Variants in RPS6KA5 observed in about 807,000 individuals in gnomAD.
RPS6KA5 encodes the protein ribosomal protein S6 kinase A5.
Under a neutral mutation model 85.5 loss-of-function variants are expected in RPS6KA5, and 27 were observed. The observed-to-expected ratio is 0.32, with a 90% CI of 0.23 to 0.44. The LOEUF (loss-of-function observed/expected upper bound fraction) is 0.44. Ranked by LOEUF, RPS6KA5 falls within the 20% of genes least tolerant of loss-of-function variation. The pLI is 1.00. For missense variants in RPS6KA5, 811 were observed against 980.9 expected, an observed-to-expected ratio of 0.83 and a Z score of 2.31; for synonymous variants, 334 against 348.2, an observed-to-expected ratio of 0.96 and a Z score of 0.46.
chr14:91,011,804 T>C (rs1462282620), intron 1 of RPS6KA5, among the ~76,000 whole-genome samples: 1 of 152,204 alleles, frequency 6.6e-6, no homozygotes, highest in Non-Finnish European at 1.5e-5. Flanking sequence ...TTTGCCACTA[T>C]CAAGGCACAT....
chr14:90,965,053 C>A (rs1187554160), intron 3 of RPS6KA5, among the ~76,000 whole-genome samples: 1 of 152,050 alleles, frequency 6.6e-6, no homozygotes, highest in Non-Finnish European at 1.5e-5. Context: ...CAAAAAAAGG[C>A]TGAAGCCATT....
chr14:90,933,678 C>A (rs953180703), intron 5 of RPS6KA5, among the ~76,000 whole-genome samples: 3 of 152,180 alleles, frequency 2.0e-5, no homozygotes, highest in African/African-American at 7.2e-5. Context: ...CTCTTCTACT[C>A]AAAACTCCCC....
In RPS6KA5 at chr14:91,001,202, A is replaced by G. The variant is rs1361238793; in HGVS notation, c.104-43T>C. ...GAAAAAAAAAACAAGAGGGTCAGCA[A>G]TAGAAGGAGGCTCCTGGGGGATTCT... is the stretch of plus-strand genomic sequence containing the variant. On this transcript the variant is annotated intron_variant, in intron 1 of 16. Coordinates refer to ENST00000614987, the MANE Select transcript of RPS6KA5 (RefSeq NM_004755.4). 7 of 1,284,220 alleles carry G rather than the reference A, an allele frequency of 5.5e-6. No individual in the cohort carries two copies. The South Asian group carries it at 8.9e-5, about 16-fold the overall frequency. The allele number at this position is 1,284,220 out of a possible 1,614,324, so 79.6% of individuals were successfully genotyped here. A position where few individuals can be genotyped will look rare whatever the true frequency, so the allele number is the denominator to read the frequency against.
chr14:91,003,838 C>G (rs748297945), intron 1 of RPS6KA5, among the ~76,000 whole-genome samples: 2 of 152,178 alleles, frequency 1.3e-5, no homozygotes, highest in Admixed American at 1.3e-4. Flanking sequence ...AAAAACCACT[C>G]TCTTCCACCT....
rs527567150 is a variant in RPS6KA5 at position 91,015,561 on chromosome 14, C to A, written c.104-14402G>T. ...TAAGAAAATATAGCAGCACTTTGTT[C>A]CTCCTAAGTCATAACCTCATTTTTC... On this transcript the variant is annotated intron_variant, in intron 1 of 16. Transcript: ENST00000614987. Among the ~76,000 whole-genome samples the A allele has an allele frequency of 1.4e-4, 21 of 152,234 alleles. No individual in the cohort carries two copies. The South Asian group carries it at 3.5e-3, about 26-fold the overall frequency.
chr14:90,960,955 C>A (rs1342547398), intron 3 of RPS6KA5, among the ~76,000 whole-genome samples: 1 of 152,164 alleles, frequency 6.6e-6, no homozygotes, highest in Non-Finnish European at 1.5e-5. Flanking sequence ...TGGTACTGTT[C>A]GTATACACTC....
intron 7 of RPS6KA5, among the ~76,000 whole-genome samples, chr14:90,919,830 T>C (rs1474379312): frequency 6.6e-6 from 1 of 152,220 alleles, no homozygotes; most frequent in East Asian, 1.9e-4. Context: ...ATATCATTAC[T>C]GTTTCTTCAT....
At position 90,860,457 on chromosome 14, in the gene RPS6KA5, C is replaced by G. The variant is rs1169647921; in HGVS notation, c.*11617G>C. 1 of 152,180 alleles carries G rather than the reference C, an allele frequency of 6.6e-6. No individual in the cohort carries two copies. Among genetic ancestry groups the G allele is most frequent in the East Asian group, 1.9e-4 (1 of 5,198 alleles). 9.4% of individuals were successfully genotyped at this position (152,180 alleles called of 1,614,324 possible). ...GCTGAGACACAAGAATCACTTGAAC[C>G]TAGGAGGTGGAGGTTGCAGTGAGCC... is the stretch of plus-strand genomic sequence containing the variant. On this transcript the variant is annotated 3_prime_UTR_variant, in exon 17 of 17. Transcript: ENST00000614987.
chr14:90,899,981 C>T, intron 11 of RPS6KA5, 127 bp downstream of exon 11: 1 of 654,018 alleles, frequency 1.5e-6, no homozygotes, highest in Non-Finnish European at 2.3e-6. Flanking sequence ...ACTGATGAGC[C>T]AAGTGGTTAA....
At chr14:90,887,233 G>A (rs2034282427) in intron 14 of RPS6KA5, among the ~76,000 whole-genome samples, 1 of 152,206 alleles carries the variant, frequency 6.6e-6, no homozygotes, top group Non-Finnish European at 1.5e-5. Context: ...CCACTGTGGA[G>A]TGTGGTAGTG....
chr14:90,974,037 C>CAAAAAA lies in RPS6KA5; in HGVS notation c.394+4263_394+4268dup, dbSNP rs56212923. On this transcript the variant is annotated intron_variant, in intron 3 of 16. Transcript: ENST00000614987. ...AAGGTGACAGAGTGAGACTCCATCT[C>CAAAAAA]AAAAAAAAAAAAAAAAAAAAAATAG... Among the ~76,000 whole-genome samples, 548 of 61,426 alleles carry CAAAAAA rather than the reference C, an allele frequency of 8.9e-3. 89 individuals are homozygous for CAAAAAA. The highest frequency in any genetic ancestry group is 0.019 in the East Asian group (29 of 1,556). 40.3% of individuals were successfully genotyped at this position (61,426 alleles called of 152,430 possible).
Position 90,894,598 on chromosome 14 carries a change from G to C in RPS6KA5, c.1474-15C>G. On this transcript the variant is annotated splice_polypyrimidine_tract_variant and intron_variant, in intron 12 of 16. Coordinates refer to ENST00000614987, the MANE Select transcript of RPS6KA5 (RefSeq NM_004755.4). The stretch of plus-strand genomic sequence containing the variant: ...AACGTGTGAAGCTAGAAAAGAGAAA[G>C]AATAACGTGGAGGGCCTTCCTGAAG... 6.2e-7 allele frequency: 1 copy of C among 1,611,192 alleles called. No homozygotes were observed. Among genetic ancestry groups the C allele is most frequent in the Non-Finnish European group, 8.5e-7 (1 of 1,178,126 alleles).
chr14:91,028,341 C>A (rs1643951986), intron 1 of RPS6KA5, among the ~76,000 whole-genome samples: 1 of 152,016 alleles, frequency 6.6e-6, no homozygotes, highest in Non-Finnish European at 1.5e-5. Flanking sequence ...CCTCAGCCTG[C>A]AGAGTAGCTG....
intron 7 of RPS6KA5, among the ~76,000 whole-genome samples, chr14:90,907,106 T>C (rs1453395317): frequency 2.0e-5 from 3 of 152,186 alleles, no homozygotes; most frequent in Non-Finnish European, 4.4e-5. Flanking sequence ...ATCAATAATT[T>C]AGTAAGAAAT....
chr14:90,978,268 G>A (rs1222431077), intron 3 of RPS6KA5, 38 bp downstream of exon 3: 4 of 1,467,184 alleles, frequency 2.7e-6, no homozygotes, highest in Admixed American at 4.1e-5. Context: ...CCAAAGAAAA[G>A]TGTTTTCATA....
At chr14:90,984,518 T>C (rs2039975355) in intron 2 of RPS6KA5, among the ~76,000 whole-genome samples, 1 of 152,224 alleles carries the variant, frequency 6.6e-6, no homozygotes, top group Admixed American at 6.5e-5. Flanking sequence ...AACTGAAATG[T>C]GGATTTATAA....
At position 90,886,145 on chromosome 14, in the gene RPS6KA5, AAAG is replaced by A. The variant is rs1244047625; in HGVS notation, c.1836+4339_1836+4341del. ...TATATATACATATACACATACATAT[AAAG>A]AAGAGCGTGCACACTAGAAATAATT... On this transcript the variant is annotated intron_variant, in intron 14 of 16. Coordinates refer to ENST00000614987, the MANE Select transcript of RPS6KA5 (RefSeq NM_004755.4). Among the ~76,000 whole-genome samples, 4 of 152,318 alleles carry A rather than the reference AAAG, an allele frequency of 2.6e-5. No homozygotes were observed. In the East Asian group the frequency reaches 7.7e-4, roughly 29 times the overall value.
chr14:90,978,855 G>T (rs539085042), intron 2 of RPS6KA5, among the ~76,000 whole-genome samples: 2 of 151,928 alleles, frequency 1.3e-5, no homozygotes, highest in African/African-American at 2.4e-5. Context: ...GAACAACCAG[G>T]ACATTTTAGA....
intron 3 of RPS6KA5, among the ~76,000 whole-genome samples, chr14:90,957,687 A>G (rs2038594656): frequency 1.3e-5 from 2 of 152,142 alleles, no homozygotes; most frequent in South Asian, 4.1e-4. Context: ...GTAGCTTTTG[A>G]GGACAGTGTT....
Sources: allele counts gnomAD v4.1 joint callset (sites outside exome capture counted in the v4.1 genomes callset), GRCh38; gene constraint gnomAD v4.1.1; transcripts MANE v1.5; gene names NCBI Gene and HGNC (gene_info 2026-07-23, HGNC 2026-07-21).